The following TRMU variants were observed in gnomAD, a reference collection of about 807,000 sequenced individuals.
TRMU encodes tRNA mitochondrial 2-thiouridylase.
TRMU carries 49 observed loss-of-function variants against 46.9 expected under a neutral mutation model. The observed-to-expected ratio is 1.05, with a 90% CI of 0.83 to 1.33. The LOEUF (loss-of-function observed/expected upper bound fraction) is 1.33, where lower values mean the gene tolerates loss of function less well. Among genes scored for constraint, TRMU ranks in the 40% most tolerant of loss-of-function variants. The pLI is 0.00. For synonymous variants in TRMU, 241 were observed against 200.9 expected, an observed-to-expected ratio of 1.20 and a Z score of -1.69; for missense variants, 572 against 532.4, an observed-to-expected ratio of 1.07 and a Z score of -0.73.
In TRMU at chr22:46,339,860, G is replaced by T. The variant is rs1351775563; in HGVS notation, c.248+1916G>T. 1.3e-5 allele frequency among the ~76,000 whole-genome samples: 2 copies of T among 151,758 alleles called. No homozygotes were observed. Among genetic ancestry groups the T allele is most frequent in the African/African-American group, 2.4e-5 (1 of 41,292 alleles). ...GGGGAAAGTTACCTGTAGAATGCAT[G>T]ATAAATGCATTAAAAACTTATCTGT... is the stretch of plus-strand genomic sequence containing the variant. On this transcript the variant is annotated intron_variant, in intron 2 of 10. Coordinates refer to ENST00000645190, the MANE Select transcript of TRMU (RefSeq NM_018006.5). This position sits in a 1 kb window ranked among gnomAD's most constrained non-coding sequence, Gnocchi z 4.8.
Position 46,350,384 on chromosome 22 carries a change from C to T in TRMU, c.572C>T (p.Pro191Leu), listed in dbSNP as rs764759499. The T allele has an allele frequency of 2.5e-6, 4 of 1,614,090 alleles. No individual in the cohort carries two copies. The highest frequency in any genetic ancestry group is 2.5e-6 in the Non-Finnish European group (3 of 1,180,054). ...SQDALRRTIF[P>L]LGGLTKEFVK... ...GATGCCCTGAGGAGAACCATCTTCC[C>T]TCTGGGGGGATTAACGAAAGAGTTT... Residue 191 changes from proline (P) to leucine (L), a missense_variant, in exon 5 of 11, where the codon CCT becomes CTT. Pro to Leu is a moderately conservative substitution (Grantham distance 98). Coordinates refer to ENST00000645190, the MANE Select transcript of TRMU (RefSeq NM_018006.5). This position sits in a 1 kb window ranked among gnomAD's most constrained non-coding sequence, Gnocchi z 4.6.
rs1360432216 is a variant in TRMU, at chr22:46,351,895, G to A, written c.652-226G>A. ...GCTGGTGTGAGGGTCTCCCGCGCAG[G>A]GTCAGACCCCGCGGGCCGAGACAAT... On this transcript the variant is annotated intron_variant, in intron 5 of 10. Transcript: ENST00000645190. This position sits in a 1 kb window ranked among gnomAD's most constrained non-coding sequence, Gnocchi z 6.4. 4 of 659,384 alleles carry A rather than the reference G, an allele frequency of 6.1e-6. No individual in the cohort carries two copies. The highest frequency in any genetic ancestry group is 5.2e-5 in the East Asian group (2 of 38,108). The allele number at this position is 659,384 out of a possible 1,614,324, so 40.8% of individuals were successfully genotyped here. A position where few individuals can be genotyped will look rare whatever the true frequency, so the allele number is the denominator to read the frequency against.
rs1368914794 is a variant in TRMU, at chr22:46,347,018, C to T, written c.478+474C>T. ...GTCAGGCTTTGTAGCCGTATTTACA[C>T]GTTAGTTTATGCGTGTTAGGGAGCC... On this transcript the variant is annotated intron_variant, in intron 4 of 10. Transcript: ENST00000645190. This position sits in a 1 kb window ranked among gnomAD's most constrained non-coding sequence, Gnocchi z 5.0. Among the ~76,000 whole-genome samples, 1 of 152,230 alleles carries T rather than the reference C, an allele frequency of 6.6e-6. No individual in the cohort carries two copies. The highest frequency in any genetic ancestry group is 1.5e-5 in the Non-Finnish European group (1 of 68,048).
rs537257675 is a variant in TRMU, at chr22:46,349,137, CAAAAA to C, written c.479-1142_479-1138del. ...TGGGCGACAGAGCGAGACTCCATCT[CAAAAA>C]AAAAAAAAAAAGTGGACTCTGGAAA... On this transcript the variant is annotated intron_variant, in intron 4 of 10. Coordinates refer to ENST00000645190, the MANE Select transcript of TRMU (RefSeq NM_018006.5). This position sits in a 1 kb window ranked among gnomAD's most constrained non-coding sequence, Gnocchi z 4.6. Among the ~76,000 whole-genome samples the C allele has an allele frequency of 8.5e-6, 1 of 117,076 alleles. No individual in the cohort carries two copies. Among genetic ancestry groups the C allele is most frequent in the Non-Finnish European group, 1.8e-5 (1 of 54,824 alleles). 76.8% of individuals were successfully genotyped at this position (117,076 alleles called of 152,430 possible). A position where few individuals can be genotyped will look rare whatever the true frequency, so the allele number is the denominator to read the frequency against.
intron 3 of TRMU, among the ~76,000 whole-genome samples, chr22:46,346,216 C>G (rs189557513): frequency 6.6e-6 from 1 of 152,216 alleles, no homozygotes; most frequent in Non-Finnish European, 1.5e-5. Flanking sequence ...GTTGTATCAG[C>G]TTAAGAGTTC....
intron 2 of TRMU, among the ~76,000 whole-genome samples, chr22:46,341,964 C>T (rs989336669): frequency 6.6e-6 from 1 of 151,684 alleles, no homozygotes; most frequent in Non-Finnish European, 1.5e-5. Context: ...CTGTGTTTCT[C>T]CTCTGTTCTC....
At chr22:46,352,639 G>A (rs1360707486) in intron 7 of TRMU, 3 of 468,960 alleles carry the variant, frequency 6.4e-6, no homozygotes, top group Non-Finnish European at 1.2e-5. Context: ...TCCTTCCTGT[G>A]TAAGGAAAAT....
intron 10 of TRMU, 36 bp from the exon 11 acceptor site, chr22:46,356,806 T>G: frequency 6.2e-7 from 1 of 1,611,006 alleles, no homozygotes; most frequent in Non-Finnish European, 8.5e-7. Flanking sequence ...GCTGGCTCCC[T>G]GTGGCACCCC....
At position 46,343,330 on chromosome 22, in the gene TRMU, A is replaced by G. The variant is rs1296128021; in HGVS notation, c.317A>G (p.Lys106Arg). The G allele has an allele frequency of 1.2e-6, 2 of 1,613,968 alleles. No individual in the cohort carries two copies. Among genetic ancestry groups the G allele is most frequent in the Non-Finnish European group, 1.7e-6 (2 of 1,180,010 alleles). ...GACATAGTTTGCAACAAGCACATCA[A>G]ATTTAGTTGCTTTTTTCATTATGCT... Reference protein sequence around the residue: ...NPDIVCNKHIKFSCFFHYAVD... With the variant: ...NPDIVCNKHIRFSCFFHYAVD... Residue 106 changes from lysine to arginine, a missense_variant, in exon 3 of 11, where the codon AAA becomes AGA. Lys to Arg is a conservative substitution (Grantham distance 26, BLOSUM62 2). Transcript: ENST00000645190.
At position 46,357,274 on chromosome 22, in the gene TRMU, A is replaced by G. The variant is rs2078643133; in HGVS notation, c.*268A>G. On this transcript the variant is annotated 3_prime_UTR_variant, in exon 11 of 11. Transcript: ENST00000645190. Reference sequence around the variant, plus strand: ...CCCCAGGGAGGGTTTCCCACCTCAGAGTACACCGAGGGGACCTGCAGAGGG... The same window carrying G: ...CCCCAGGGAGGGTTTCCCACCTCAGGGTACACCGAGGGGACCTGCAGAGGG... The G allele has an allele frequency of 1.8e-6, 1 of 563,316 alleles. No individual in the cohort carries two copies. The highest frequency in any genetic ancestry group is 3.1e-5 in the Admixed American group (1 of 32,466). The allele number at this position is 563,316 out of a possible 1,614,324, so 34.9% of individuals were successfully genotyped here. A position where few individuals can be genotyped will look rare whatever the true frequency, so the allele number is the denominator to read the frequency against.
At chr22:46,356,186 A>C in intron 10 of TRMU, 114 bp downstream of exon 10, 3 of 1,187,064 alleles carry the variant, frequency 2.5e-6, no homozygotes, top group Non-Finnish European at 3.6e-6. Flanking sequence ...TGCTCGGGTC[A>C]CACAGCTGGT....
rs1363359603 is a variant in TRMU at position 46,350,825 on chromosome 22, CCGT to C, written c.651+364_651+366del. 6.6e-6 allele frequency among the ~76,000 whole-genome samples: 1 copy of C among 152,210 alleles called. No individual in the cohort carries two copies. The highest frequency in any genetic ancestry group is 2.4e-5 in the African/African-American group (1 of 41,442). The stretch of plus-strand genomic sequence containing the variant: ...CCCTGGAGGGGCAGGTGCTGTGCCG[CCGT>C]CTGCACACTCATGTGCCCTGTCACC... On this transcript the variant is annotated intron_variant, in intron 5 of 10. Coordinates refer to ENST00000645190, the MANE Select transcript of TRMU (RefSeq NM_018006.5). This position sits in a 1 kb window ranked among gnomAD's most constrained non-coding sequence, Gnocchi z 4.6.
In TRMU at chr22:46,346,779, G is replaced by A. The variant is rs12160940; in HGVS notation, c.478+235G>A. Among the ~76,000 whole-genome samples, 4,841 of 152,338 alleles carry A rather than the reference G, an allele frequency of 0.032. 271 individuals carry two copies. The highest frequency in any genetic ancestry group is 0.11 in the African/African-American group (4,540 of 41,562). On this transcript the variant is annotated intron_variant, in intron 4 of 10. Coordinates refer to ENST00000645190, the MANE Select transcript of TRMU (RefSeq NM_018006.5). ...CGGCCATGGTGAGGGCTGGTGGAAA[G>A]TGACATCAGATACTGATAATCCAGC...
At chr22:46,335,900 T>C (rs2077961111) in intron 1 of TRMU, 54 bp downstream of exon 1, 2 of 1,515,692 alleles carry the variant, frequency 1.3e-6, no homozygotes, top group Non-Finnish European at 1.8e-6. Flanking sequence ...CCCGGAAACC[T>C]GTCCCCGTCC....
chr22:46,356,252 G>A, intron 10 of TRMU, 180 bp downstream of exon 10: 1 of 646,644 alleles, frequency 1.5e-6, no homozygotes. Flanking sequence ...TGACAACTGT[G>A]AGAGGATTTC....
Position 46,350,584 on chromosome 22 carries a change from C to A in TRMU, c.651+121C>A. On this transcript the variant is annotated intron_variant, in intron 5 of 10. Coordinates refer to ENST00000645190, the MANE Select transcript of TRMU (RefSeq NM_018006.5). The surrounding 1 kb of genome is among the most constrained non-coding windows in gnomAD (Gnocchi z 4.6). ...CTTCTCCAGGACCTAACATCAAAGG[C>A]GGGCCTTGGAGCAATAGATGGAGGA... 7.8e-7 allele frequency: 1 copy of A among 1,280,698 alleles called. No individual in the cohort carries two copies. Among genetic ancestry groups the A allele is most frequent in the Non-Finnish European group, 1.1e-6 (1 of 896,256 alleles). 79.3% of individuals were successfully genotyped at this position (1,280,698 alleles called of 1,614,324 possible).
chr22:46,346,625 G>A (rs960992497), intron 4 of TRMU, 81 bp downstream of exon 4: 1 of 1,506,434 alleles, frequency 6.6e-7, no homozygotes, highest in Non-Finnish European at 9.1e-7. Context: ...GGTTGTGCCT[G>A]AGGATCACTG....
rs1490906786 is a variant in TRMU, at chr22:46,355,444, G to GC, written c.880dup (p.Arg294ProfsTer112). On this transcript the variant is annotated frameshift_variant and splice_region_variant, in exon 9 of 11. Transcript: ENST00000645190. LOFTEE classifies it high-confidence loss of function. Reference sequence around the variant, plus strand: ...CCCACCTTCACATTCCATTCTGCAGGCCCCCCGGACAGACCACCCAGCCCT... The same window carrying GC: ...CCCACCTTCACATTCCATTCTGCAGGCCCCCCCGGACAGACCACCCAGCCCT... The GC allele has an allele frequency of 4.3e-6, 7 of 1,612,284 alleles. No homozygotes were observed. Among genetic ancestry groups the GC allele is most frequent in the South Asian group, 2.2e-5 (2 of 91,058 alleles).
In TRMU at chr22:46,356,875, G is replaced by A; in HGVS notation, c.1135G>A (p.Gly379Ser). The A allele has an allele frequency of 6.2e-7, 1 of 1,613,486 alleles. No individual in the cohort carries two copies. The highest frequency in any genetic ancestry group is 8.5e-7 in the Non-Finnish European group (1 of 1,179,972). Residue 379 changes from glycine (G) to serine (S), a missense_variant, in exon 11 of 11, where the codon GGC becomes AGC. Coordinates refer to ENST00000645190, the MANE Select transcript of TRMU (RefSeq NM_018006.5). ...AVFYKGDECLGSGKILRLGPS... is the reference protein window; with the variant it reads ...AVFYKGDECLSSGKILRLGPS... ...GTTCTACAAGGGGGACGAGTGCCTG[G>A]GCAGCGGGAAGATCCTGCGGCTGGG...
Sources: gnomAD v4.1 joint callset for allele counts (sites outside exome capture counted in the v4.1 genomes callset) on GRCh38, gnomAD v4.1.1 for gene constraint, Gnocchi (gnomAD v3.1) non-coding constraint, MANE v1.5 for transcripts, NCBI Gene and HGNC (gene_info 2026-07-23, HGNC 2026-07-21) for gene names.